TTC7A: variants seen among roughly 807,000 people sequenced by gnomAD.
The protein encoded by TTC7A is tetratricopeptide repeat protein 7A.
A neutral mutation model predicts 103.7 loss-of-function variants in TTC7A; 110 were observed. The observed-to-expected ratio is 1.06, with a 90% confidence interval of 0.91 to 1.24. The LOEUF (loss-of-function observed/expected upper bound fraction) is 1.24. TTC7A is among the 50% of genes most tolerant of loss of function. TTC7A has a pLI of 0.00. For synonymous variants in TTC7A, 521 were observed against 467.9 expected (o/e 1.11, Z -1.47); for missense variants, 1,340 against 1,116.3 (o/e 1.20, Z -2.86).
intron 19 of TTC7A, among the ~76,000 whole-genome samples, chr2:47,071,858 T>G (rs149369265): frequency 6.6e-6 from 1 of 152,260 alleles, no homozygotes; most frequent in Non-Finnish European, 1.5e-5. Flanking sequence ...TCAAACAGAA[T>G]CCCATGTGGA....
chr2:46,993,576 G>A, intron 6 of TTC7A, 48 bp downstream of exon 6: 4 of 1,579,316 alleles, frequency 2.5e-6, no homozygotes, highest in Non-Finnish European at 2.6e-6. Context: ...GTCAGCTTTG[G>A]TGGGAGACAA....
At chr2:47,038,834 C>A (rs1453604660) in intron 15 of TTC7A, among the ~76,000 whole-genome samples, 1 of 151,912 alleles carries the variant, frequency 6.6e-6, no homozygotes, top group Non-Finnish European at 1.5e-5. Flanking sequence ...CACAGTGTTC[C>A]AGGCCTTGGT....
intron 3 of TTC7A, among the ~76,000 whole-genome samples, chr2:46,968,362 A>C (rs1673038602): frequency 6.6e-6 from 1 of 152,248 alleles, no homozygotes; most frequent in South Asian, 2.1e-4. Context: ...GACTGGGCGC[A>C]GGGCAGCCCA....
intron 14 of TTC7A, among the ~76,000 whole-genome samples, chr2:47,028,962 C>T (rs892865544): frequency 6.6e-6 from 1 of 152,228 alleles, no homozygotes; most frequent in African/African-American, 2.4e-5. Context: ...CCACTCCTCC[C>T]ATTTAGGAAG....
chr2:47,037,317 C>T (rs1681224190), intron 15 of TTC7A, among the ~76,000 whole-genome samples: 1 of 152,228 alleles, frequency 6.6e-6, no homozygotes. Flanking sequence ...GCACAAAACA[C>T]ACTCCAGTGG....
At chr2:47,035,773 C>T (rs1339408868) in intron 15 of TTC7A, 1 of 152,240 alleles carries the variant, frequency 6.6e-6, no homozygotes, top group East Asian at 1.9e-4. Context: ...TGGCCCAGGG[C>T]ACATGGTTCT....
At position 46,950,367 on chromosome 2, in the gene TTC7A, CTT is replaced by C. The variant is rs1476031758; in HGVS notation, c.191_192del (p.Phe64TrpfsTer7). The stretch of plus-strand genomic sequence containing the variant: ...GACCCCTACTTTGCTTTTCAGATGA[CTT>C]TGGGAAATTGCTGCTGGCTGAGGCC... Reference protein sequence around the residue: ...AAFTFPDTDDFGKLLLAEALL... With the variant: ...AAFTFPDTDDXGKLLLAEALL... On this transcript the variant is annotated frameshift_variant, in exon 2 of 20. Coordinates refer to ENST00000319190, the MANE Select transcript of TTC7A (RefSeq NM_020458.4). LOFTEE classifies it high-confidence loss of function. 1 of 1,613,960 alleles carries C rather than the reference CTT, an allele frequency of 6.2e-7. No homozygotes were observed. The highest frequency in any genetic ancestry group is 1.7e-5 in the Admixed American group (1 of 59,978).
chr2:47,006,848 G>A (rs1288169312), intron 10 of TTC7A, 124 bp downstream of exon 10: 6 of 757,650 alleles, frequency 7.9e-6, no homozygotes, highest in Admixed American at 2.1e-5. Flanking sequence ...TTGAACCTCC[G>A]GGAGAGTGAG....
intron 2 of TTC7A, among the ~76,000 whole-genome samples, chr2:46,951,305 A>T (rs1475586547): frequency 6.6e-6 from 1 of 152,088 alleles, no homozygotes; most frequent in Non-Finnish European, 1.5e-5. Context: ...TAGAAATGCA[A>T]TTAAGAGAAA....
At chr2:47,011,612 G>A (rs928093245) in intron 11 of TTC7A, among the ~76,000 whole-genome samples, 177 bp downstream of exon 11, 4 of 152,208 alleles carry the variant, frequency 2.6e-5, no homozygotes, top group Non-Finnish European at 5.9e-5. Flanking sequence ...AGCCTCCAAT[G>A]GCAGGGTCCC....
intron 14 of TTC7A, among the ~76,000 whole-genome samples, 160 bp from the exon 15 acceptor site, chr2:47,029,064 G>A (rs1277474661): frequency 3.3e-5 from 5 of 152,164 alleles, no homozygotes; most frequent in Admixed American, 6.5e-5. Flanking sequence ...TCCTCGCCAG[G>A]CCATCTGGGG....
chr2:47,000,874 G>C (rs1249598966), intron 8 of TTC7A, among the ~76,000 whole-genome samples: 1 of 152,158 alleles, frequency 6.6e-6, no homozygotes, highest in Non-Finnish European at 1.5e-5. Flanking sequence ...GGCCTGATGG[G>C]AGAAGCCTGG....
intron 2 of TTC7A, among the ~76,000 whole-genome samples, chr2:46,930,080 A>G (rs1431937855): frequency 6.6e-6 from 1 of 152,174 alleles, no homozygotes; most frequent in Middle Eastern, 3.2e-3. Flanking sequence ...GTTTTTTACT[A>G]TGTATCATAA....
At chr2:46,919,943 C>A (rs1354860980) in intron 2 of TTC7A, among the ~76,000 whole-genome samples, 1 of 152,226 alleles carries the variant, frequency 6.6e-6, no homozygotes, top group Non-Finnish European at 1.5e-5. Flanking sequence ...ATTTCTCTCT[C>A]CCTTATTCAT....
chr2:47,026,170 C>T (rs1356753931), intron 14 of TTC7A, among the ~76,000 whole-genome samples: 1 of 152,188 alleles, frequency 6.6e-6, no homozygotes, highest in Non-Finnish European at 1.5e-5. Flanking sequence ...GAGTCCTAGC[C>T]TGCCTGGGTC....
chr2:46,958,441 T>A, intron 3 of TTC7A: 1 of 1,281,372 alleles, frequency 7.8e-7, no homozygotes, highest in South Asian at 1.2e-5. Flanking sequence ...GACTTTCTCC[T>A]GAGCCTGGCT....
In TTC7A at chr2:47,073,777, ACGTGCCACGAGGCGT is replaced by A; in HGVS notation, c.2432_2446del (p.Thr811_Trp816delinsArg). 6.2e-7 allele frequency: 1 copy of A among 1,613,812 alleles called. No homozygotes were observed. The highest frequency in any genetic ancestry group is 8.5e-7 in the Non-Finnish European group (1 of 1,180,016). On this transcript the variant is annotated inframe_deletion, in exon 20 of 20. Transcript: ENST00000319190. ...TCGTGATGCCGTGGAGAGGCAGAGT[ACGTGCCACGAGGCGT>A]GGCAGGGCCTGGGCGAGGTGCTGCA...
intron 5 of TTC7A, among the ~76,000 whole-genome samples, chr2:46,988,256 C>T (rs956835229): frequency 3.3e-5 from 5 of 152,122 alleles, no homozygotes; most frequent in African/African-American, 1.2e-4. Context: ...CTTGGTGCCA[C>T]AGGAGGGAAA....
intron 5 of TTC7A, among the ~76,000 whole-genome samples, chr2:46,984,922 G>A (rs1046633531): frequency 1.4e-4 from 22 of 152,192 alleles, no homozygotes; most frequent in African/African-American, 5.1e-4. Flanking sequence ...CCTAGTGACA[G>A]CGGGGAGCAT....
Sources: allele counts gnomAD v4.1 joint callset (sites outside exome capture counted in the v4.1 genomes callset), GRCh38; gene constraint gnomAD v4.1.1; transcripts MANE v1.5; gene names NCBI Gene and HGNC (gene_info 2026-07-23, HGNC 2026-07-21).